Variants in TAFA5 observed in about 807,000 individuals in gnomAD.
TAFA5 encodes the protein chemokine-like protein TAFA-5.
A neutral mutation model predicts 15.3 loss-of-function variants in TAFA5; 6 were observed. That is an observed-to-expected ratio of 0.39 (90% CI 0.21 to 0.77). The LOEUF is 0.77. Among genes scored for constraint, TAFA5 ranks in the 30% least tolerant of loss-of-function variants. The pLI, the probability that TAFA5 is intolerant of heterozygous loss-of-function variation, is 0.41. For synonymous variants in TAFA5, 103 were observed against 80.7 expected (o/e 1.28, Z -1.48); for missense variants, 161 against 193.1 (o/e 0.83, Z 0.98).
At chr22:48,660,509 TC>T (rs1290636098) in intron 2 of TAFA5, among the ~76,000 whole-genome samples, 1 of 152,210 alleles carries the variant, frequency 6.6e-6, no homozygotes, top group African/African-American at 2.4e-5. Context: ...CACAGAATTT[TC>T]CCCTAGAGAC....
intron 1 of TAFA5, among the ~76,000 whole-genome samples, chr22:48,579,440 G>GT (rs1923949047): frequency 6.6e-6 from 1 of 152,146 alleles, no homozygotes; most frequent in Non-Finnish European, 1.5e-5. Flanking sequence ...TGCACGTGCT[G>GT]TGTCTGCATG....
At chr22:48,577,224 G>C (rs1396200183) in intron 1 of TAFA5, among the ~76,000 whole-genome samples, 2 of 152,196 alleles carry the variant, frequency 1.3e-5, no homozygotes, top group Admixed American at 1.3e-4. Context: ...TTGGACCCTC[G>C]TGGCTGGAGA....
At chr22:48,564,052 G>T (rs956138319) in intron 1 of TAFA5, among the ~76,000 whole-genome samples, 1 of 152,270 alleles carries the variant, frequency 6.6e-6, no homozygotes, top group African/African-American at 2.4e-5. Flanking sequence ...CCGAGGCCTG[G>T]CGTGCACATG....
chr22:48,626,810 C>T (rs901566333), intron 1 of TAFA5, among the ~76,000 whole-genome samples: 9 of 152,216 alleles, frequency 5.9e-5, no homozygotes, highest in African/African-American at 2.2e-4. Flanking sequence ...CTACAAGTTT[C>T]ATATTATTGT....
chr22:48,542,330 TGTG>T (rs1371958687), intron 1 of TAFA5, among the ~76,000 whole-genome samples: 4 of 135,406 alleles, frequency 3.0e-5, no homozygotes, highest in Non-Finnish European at 4.6e-5. Flanking sequence ...GTGTGATGTG[TGTG>T]GTGTGTGTGT....
chr22:48,531,890 G>A (rs1343845207), intron 1 of TAFA5, among the ~76,000 whole-genome samples: 1 of 152,224 alleles, frequency 6.6e-6, no homozygotes, highest in African/African-American at 2.4e-5. Context: ...GCAGGAGAGG[G>A]TGGACGTCCC....
At chr22:48,649,477 G>T (rs936938234) in intron 2 of TAFA5, among the ~76,000 whole-genome samples, 1 of 152,160 alleles carries the variant, frequency 6.6e-6, no homozygotes. Flanking sequence ...GGAGTGGGCC[G>T]CTGGAGCCTT....
chr22:48,631,446 G>A (rs1926223362), intron 1 of TAFA5, among the ~76,000 whole-genome samples: 1 of 152,214 alleles, frequency 6.6e-6, no homozygotes, highest in South Asian at 2.1e-4. Flanking sequence ...CACCGGTGCG[G>A]CCCGTGCAGG....
At chr22:48,690,645 C>G (rs1928510653) in intron 2 of TAFA5, among the ~76,000 whole-genome samples, 1 of 152,124 alleles carries the variant, frequency 6.6e-6, no homozygotes, top group Non-Finnish European at 1.5e-5. Context: ...TCTAGGGAGC[C>G]CTCCTGGCTG....
chr22:48,520,088 A>T (rs1434217312), intron 1 of TAFA5, among the ~76,000 whole-genome samples: 6 of 152,008 alleles, frequency 3.9e-5, no homozygotes, highest in African/African-American at 1.4e-4. Flanking sequence ...GGAGGTGGAG[A>T]TGGGGGTGAC....
intron 1 of TAFA5, among the ~76,000 whole-genome samples, chr22:48,495,066 G>A (rs950037967): frequency 6.6e-6 from 1 of 152,184 alleles, no homozygotes; most frequent in Admixed American, 6.5e-5. Flanking sequence ...TGGGCCCAGT[G>A]GGATGGCAGC....
intron 1 of TAFA5, chr22:48,544,445 C>T (rs758720789): frequency 8.0e-5 from 28 of 349,214 alleles, no homozygotes; most frequent in Non-Finnish European, 1.4e-4. Flanking sequence ...GCCCGTCCCT[C>T]GAGGTGACAT....
rs1295008082 is a variant in TAFA5, at chr22:48,545,955, A to T, written c.112+56251A>T. 2.0e-5 allele frequency among the ~76,000 whole-genome samples: 3 copies of T among 152,020 alleles called. No homozygotes were observed. The East Asian group carries it at 5.9e-4, about 30-fold the overall frequency. On this transcript the variant is annotated intron_variant, in intron 1 of 3. Coordinates refer to ENST00000402357, the MANE Select transcript of TAFA5 (RefSeq NM_001082967.3). ...CACCCTGGGGAAGGGGAGTGCCAGG[A>T]TCTGTGAGCCTCAAGCAGGTCCCAC... is the stretch of plus-strand genomic sequence containing the variant.
intron 1 of TAFA5, among the ~76,000 whole-genome samples, chr22:48,502,887 G>A (rs1475721586): frequency 6.6e-6 from 1 of 152,162 alleles, no homozygotes; most frequent in Non-Finnish European, 1.5e-5. Context: ...CTCTTCTGTA[G>A]CATTCCATTC....
chr22:48,632,643 C>T (rs1296394399), intron 1 of TAFA5, among the ~76,000 whole-genome samples: 1 of 152,204 alleles, frequency 6.6e-6, no homozygotes, highest in Non-Finnish European at 1.5e-5. Flanking sequence ...GGGGAAGCCC[C>T]CTCTGGAGGC....
chr22:48,648,225 C>G (rs1926933504), intron 2 of TAFA5, among the ~76,000 whole-genome samples: 1 of 131,214 alleles, frequency 7.6e-6, no homozygotes, highest in Non-Finnish European at 1.7e-5. Context: ...AGCTGGCCCA[C>G]CCCATGGATG....
At chr22:48,698,960 G>C (rs572492758) in intron 2 of TAFA5, among the ~76,000 whole-genome samples, 7 of 139,186 alleles carry the variant, frequency 5.0e-5, no homozygotes, top group African/African-American at 8.1e-5. Flanking sequence ...TTTTTTTGGC[G>C]CGACCAAGGC....
chr22:48,692,966 G>A (rs1371438886), intron 2 of TAFA5, among the ~76,000 whole-genome samples: 3 of 152,310 alleles, frequency 2.0e-5, no homozygotes, highest in African/African-American at 4.8e-5. Flanking sequence ...CTTGGGCCCC[G>A]TCATCTTGAG....
At chr22:48,694,740 C>T (rs1393821334) in intron 2 of TAFA5, among the ~76,000 whole-genome samples, 1 of 151,652 alleles carries the variant, frequency 6.6e-6, no homozygotes, top group African/African-American at 2.4e-5. Context: ...GTGAGCAGCT[C>T]CAAGACCACC....
Sources: allele counts gnomAD v4.1 joint callset (sites outside exome capture counted in the v4.1 genomes callset), GRCh38; gene constraint gnomAD v4.1.1; transcripts MANE v1.5; gene names NCBI Gene and HGNC (gene_info 2026-07-23, HGNC 2026-07-21).